The following MEGF6 variants were observed in gnomAD, a reference collection of about 807,000 sequenced individuals.
The protein encoded by MEGF6 is multiple epidermal growth factor-like domains protein 6.
Under a neutral mutation model 207.1 loss-of-function variants are expected in MEGF6, and 184 were observed. The observed-to-expected ratio is 0.89, with a 90% CI of 0.79 to 1.00. MEGF6 has a LOEUF of 1.00. Ranked by LOEUF, MEGF6 falls within the 50% of genes least tolerant of loss-of-function variation. The pLI is 0.00. For missense variants in MEGF6, 2,282 were observed against 2,202.9 expected, an observed-to-expected ratio of 1.04 and a Z score of -0.72; for synonymous variants, 1,038 against 910.0, an observed-to-expected ratio of 1.14 and a Z score of -2.53.
At chr1:3,605,353 G>T (rs146628586) in intron 1 of MEGF6, among the ~76,000 whole-genome samples, 2 of 111,986 alleles carry the variant, frequency 1.8e-5, no homozygotes, top group Non-Finnish European at 4.6e-5. Context: ...ATACACTCAC[G>T]CACGTTCACA....
Position 3,494,360 on chromosome 1 carries a change from C to T in MEGF6, c.4129+11G>A. ...GGGGCCCCAGCCCAGCTGCACAGGC[C>T]CCCAACTCACGGTGCTCGCAGGCCT... On this transcript the variant is annotated intron_variant, in intron 32 of 36. Transcript: ENST00000356575. The T allele has an allele frequency of 6.5e-7, 1 of 1,538,554 alleles. No individual in the cohort carries two copies. Among genetic ancestry groups the T allele is most frequent in the Non-Finnish European group, 8.7e-7 (1 of 1,146,644 alleles).
intron 17 of MEGF6, among the ~76,000 whole-genome samples, chr1:3,502,381 T>C (rs1167369238): frequency 6.6e-6 from 1 of 152,166 alleles, no homozygotes; most frequent in Non-Finnish European, 1.5e-5. Flanking sequence ...CAGGCCAGTG[T>C]GTCCCCAGTC....
intron 4 of MEGF6, among the ~76,000 whole-genome samples, chr1:3,532,175 T>C (rs1642197940): frequency 6.6e-6 from 1 of 152,160 alleles, no homozygotes; most frequent in Non-Finnish European, 1.5e-5. Context: ...CCCACGCTCC[T>C]CGAGGGCATA....
intron 4 of MEGF6, among the ~76,000 whole-genome samples, chr1:3,536,061 G>A (rs1015387484): frequency 1.3e-5 from 2 of 152,150 alleles, no homozygotes; most frequent in Admixed American, 6.5e-5. Flanking sequence ...GGCTCTGGCC[G>A]TCCTCTGGTG....
At chr1:3,550,380 G>A (rs1642845617) in intron 4 of MEGF6, among the ~76,000 whole-genome samples, 1 of 152,240 alleles carries the variant, frequency 6.6e-6, no homozygotes, top group Admixed American at 6.5e-5. Flanking sequence ...AGGTCACACA[G>A]TGTAGGATAG....
At chr1:3,561,430 C>T (rs932706004) in intron 4 of MEGF6, among the ~76,000 whole-genome samples, 3 of 152,204 alleles carry the variant, frequency 2.0e-5, no homozygotes, top group African/African-American at 7.2e-5. Flanking sequence ...GGGGTCACCC[C>T]GCTGGACCAG....
At chr1:3,532,310 G>T (rs1642203334) in intron 4 of MEGF6, among the ~76,000 whole-genome samples, 1 of 152,200 alleles carries the variant, frequency 6.6e-6, no homozygotes, top group Non-Finnish European at 1.5e-5. Flanking sequence ...AGTCCCCAGA[G>T]CCCCCCATCC....
intron 1 of MEGF6, among the ~76,000 whole-genome samples, chr1:3,610,299 G>A (rs1002749696): frequency 3.9e-5 from 6 of 152,222 alleles, no homozygotes; most frequent in Non-Finnish European, 8.8e-5. Flanking sequence ...TTTGTGGTGG[G>A]CCCTAGAGCA....
At chr1:3,506,285 A>G in intron 14 of MEGF6, 49 bp from the exon 15 acceptor site, 3 of 1,590,672 alleles carry the variant, frequency 1.9e-6, no homozygotes, top group Non-Finnish European at 2.6e-6. Flanking sequence ...CCAGCCTACC[A>G]CATGTGGTCC....
rs544770636 is a variant in MEGF6, at chr1:3,556,157, G to T, written c.481+23668C>A. 1.3e-5 allele frequency among the ~76,000 whole-genome samples: 2 copies of T among 152,224 alleles called. No individual in the cohort carries two copies. Among genetic ancestry groups the T allele is most frequent in the Non-Finnish European group, 2.9e-5 (2 of 68,042 alleles). ...GTGGCCCAGGTGCTAAGTGAACCAC[G>T]TCCCTGTTGCTGGGCCACCCTGTGA... On this transcript the variant is annotated intron_variant, in intron 4 of 36. Coordinates refer to ENST00000356575, the MANE Select transcript of MEGF6 (RefSeq NM_001409.4). The surrounding 1 kb of genome is among the most constrained non-coding windows in gnomAD (Gnocchi z 4.4).
intron 2 of MEGF6, among the ~76,000 whole-genome samples, chr1:3,601,143 T>TA (rs1432291979): frequency 6.6e-6 from 1 of 152,184 alleles, no homozygotes; most frequent in Non-Finnish European, 1.5e-5. Flanking sequence ...CAGGCTAGCC[T>TA]AGAGACCACA....
intron 5 of MEGF6, among the ~76,000 whole-genome samples, chr1:3,516,766 C>T (rs910776788): frequency 6.6e-6 from 1 of 152,202 alleles, no homozygotes; most frequent in Non-Finnish European, 1.5e-5. Flanking sequence ...AAAAACCCAC[C>T]GTGCTCGCCG....
At chr1:3,546,344 G>T (rs1279090315) in intron 4 of MEGF6, among the ~76,000 whole-genome samples, 1 of 152,226 alleles carries the variant, frequency 6.6e-6, no homozygotes, top group Admixed American at 6.5e-5. Context: ...CCCAGGTCTT[G>T]CCTGAGCCAT....
chr1:3,569,129 C>T (rs1415902510), intron 4 of MEGF6, among the ~76,000 whole-genome samples: 1 of 152,222 alleles, frequency 6.6e-6, no homozygotes, highest in East Asian at 1.9e-4. Flanking sequence ...TAGCCACCTC[C>T]AGCCCACACC....
chr1:3,579,676 G>C, intron 4 of MEGF6, 149 bp downstream of exon 4: 1 of 531,492 alleles, frequency 1.9e-6, no homozygotes, highest in Admixed American at 4.3e-5. Context: ...CTGGTGGAGG[G>C]ATTGCGGAAT....
upstream of MEGF6, among the ~76,000 whole-genome samples, chr1:3,613,499 T>A (rs12070289): frequency 0.021 from 3,221 of 152,250 alleles, 119 homozygotes; most frequent in African/African-American, 0.074. Flanking sequence ...AATTAACACC[T>A]TGAAGAAGTT....
intron 5 of MEGF6, among the ~76,000 whole-genome samples, chr1:3,523,521 G>A (rs183449114): frequency 6.6e-6 from 1 of 152,260 alleles, no homozygotes; most frequent in East Asian, 1.9e-4. Context: ...GAAGCTGAGG[G>A]ACAGGGTCCC....
In MEGF6 at chr1:3,595,386, A is replaced by G; in HGVS notation, c.328T>C (p.Cys110Arg). Residue 110 changes from cysteine to arginine, a missense_variant, in exon 3 of 37, where the codon TGC becomes CGC. Physicochemically the swap from Cys to Arg is radical, Grantham distance 180. Coordinates refer to ENST00000356575, the MANE Select transcript of MEGF6 (RefSeq NM_001409.4). ...YTTEARTVLR[C>R]CRGWMQQPDE... ...GGCTGCTGCATCCACCCTCGGCAGC[A>G]CCTGAGCACGGTCCGGGCCTCCGTG... 2 of 1,612,626 alleles carry G rather than the reference A, an allele frequency of 1.2e-6. No homozygotes were observed. Among genetic ancestry groups the G allele is most frequent in the Non-Finnish European group, 1.7e-6 (2 of 1,179,894 alleles).
At chr1:3,541,772 G>T (rs1259500559) in intron 4 of MEGF6, among the ~76,000 whole-genome samples, 1 of 146,740 alleles carries the variant, frequency 6.8e-6, no homozygotes, top group Non-Finnish European at 1.5e-5. Flanking sequence ...AGTGGGCGGG[G>T]ATGGGTGGGA....
Sources: gnomAD v4.1 joint callset for allele counts (sites outside exome capture counted in the v4.1 genomes callset) on GRCh38, gnomAD v4.1.1 for gene constraint, Gnocchi (gnomAD v3.1) non-coding constraint, MANE v1.5 for transcripts, NCBI Gene and HGNC (gene_info 2026-07-23, HGNC 2026-07-21) for gene names.